Variants in GRM1 observed in about 807,000 individuals in gnomAD.
The protein encoded by GRM1 is glutamate metabotropic receptor 1, also known as metabotropic glutamate receptor 1.
A neutral mutation model predicts 90.9 loss-of-function variants in GRM1; 33 were observed. The ratio of observed to expected loss-of-function variants is 0.36; its 90% CI spans 0.28 to 0.49. The LOEUF is 0.49. Ranked by LOEUF, GRM1 falls within the 20% of genes least tolerant of loss-of-function variation. The probability of loss-of-function intolerance (pLI) is 0.99; values close to 1 mark genes in which losing one functional copy is unlikely to be tolerated. For synonymous variants in GRM1, 700 were observed against 613.2 expected, an observed-to-expected ratio of 1.14 and a Z score of -2.09; for missense variants, 1,190 against 1,534.3, an observed-to-expected ratio of 0.78 and a Z score of 3.75.
At chr6:146,190,670 T>C (rs1186998198) in intron 2 of GRM1, among the ~76,000 whole-genome samples, 2 of 152,118 alleles carry the variant, frequency 1.3e-5, no homozygotes, top group African/African-American at 2.4e-5. Context: ...TTGGTCACCA[T>C]GTTTTGTTGT....
intron 7 of GRM1, among the ~76,000 whole-genome samples, chr6:146,431,940 T>C (rs1429406608): frequency 6.6e-6 from 1 of 152,218 alleles, no homozygotes; most frequent in African/African-American, 2.4e-5. Context: ...ACCTACAGTT[T>C]TAAGCTCAGA....
At chr6:146,137,495 G>C (rs1254284500) in intron 1 of GRM1, among the ~76,000 whole-genome samples, 2 of 152,046 alleles carry the variant, frequency 1.3e-5, no homozygotes, top group African/African-American at 4.8e-5. Context: ...TTTGTTTCTG[G>C]ATTCTCTATT....
Position 146,402,850 on chromosome 6 carries a change from G to A in GRM1, c.2660+3151G>A, listed in dbSNP as rs141083222. ...AGCTGAATATCTGACACAACCAAAGGTTTGGACACTTGCTTTACATTTTCT... is the reference window on the plus strand; with the variant it reads ...AGCTGAATATCTGACACAACCAAAGATTTGGACACTTGCTTTACATTTTCT... On this transcript the variant is annotated intron_variant, in intron 7 of 7. Coordinates refer to ENST00000282753, the MANE Select transcript of GRM1 (RefSeq NM_001278064.2). Among the ~76,000 whole-genome samples, 1,072 of 152,224 alleles carry A rather than the reference G, an allele frequency of 7.0e-3. 12 individuals carry two copies. The highest frequency in any genetic ancestry group is 0.025 in the African/African-American group (1,026 of 41,548).
intron 2 of GRM1, among the ~76,000 whole-genome samples, chr6:146,301,454 C>T (rs17075876): frequency 6.6e-6 from 1 of 152,192 alleles, no homozygotes; most frequent in Non-Finnish European, 1.5e-5. Context: ...CCTTTACAAA[C>T]TAAGCTGTCA....
chr6:146,424,161 G>A lies in GRM1; in HGVS notation c.2661-9711G>A, dbSNP rs369232277. On this transcript the variant is annotated intron_variant, in intron 7 of 7. Transcript: ENST00000282753. ...CTCCCAAGGGTATTGCAATAACAGT[G>A]CAGAGACACCTAAGGTATCTGGATA... Among the ~76,000 whole-genome samples the A allele has an allele frequency of 1.2e-4, 18 of 152,306 alleles. No homozygotes were observed. The East Asian group carries it at 2.1e-3, about 18-fold the overall frequency.
intron 1 of GRM1, among the ~76,000 whole-genome samples, chr6:146,117,241 G>T (rs879342288): frequency 8.0e-5 from 12 of 149,146 alleles, no homozygotes; most frequent in Middle Eastern, 3.5e-3. Flanking sequence ...TATATTTATT[G>T]TATTCTCTGC....
intron 1 of GRM1, among the ~76,000 whole-genome samples, chr6:146,120,203 A>G (rs1354455736): frequency 2.6e-5 from 4 of 152,130 alleles, no homozygotes; most frequent in African/African-American, 9.7e-5. Context: ...CTTTGAAGCA[A>G]TTGTGAATGG....
intron 2 of GRM1, among the ~76,000 whole-genome samples, chr6:146,289,381 A>G (rs1473459419): frequency 6.6e-6 from 1 of 152,232 alleles, no homozygotes. Context: ...CGTCTATGGA[A>G]TAAAGATATA....
intron 2 of GRM1, among the ~76,000 whole-genome samples, chr6:146,191,910 G>T (rs117718003): frequency 0.01 from 1,557 of 152,170 alleles, 11 homozygotes; most frequent in Non-Finnish European, 0.015. Context: ...TGTTTAAAAG[G>T]GAACACACAG....
chr6:146,307,441 T>C (rs536930802), intron 3 of GRM1, among the ~76,000 whole-genome samples: 13 of 152,326 alleles, frequency 8.5e-5, no homozygotes, highest in Middle Eastern at 3.4e-3. Flanking sequence ...TAGCAGTGTT[T>C]ATCTATATTA....
chr6:146,304,498 G>T (rs554574144), intron 2 of GRM1, 113 bp from the exon 3 acceptor site: 21 of 809,322 alleles, frequency 2.6e-5, no homozygotes, highest in Non-Finnish European at 4.5e-5. Flanking sequence ...AGTAATGCTG[G>T]CTTAAAATAG....
chr6:146,175,800 A>C (rs1778319430), intron 2 of GRM1, among the ~76,000 whole-genome samples: 1 of 152,104 alleles, frequency 6.6e-6, no homozygotes, highest in Non-Finnish European at 1.5e-5. Context: ...AGAAAGGCCC[A>C]CCATCTTCCC....
intron 2 of GRM1, among the ~76,000 whole-genome samples, chr6:146,213,607 A>C (rs1320017528): frequency 6.6e-6 from 1 of 152,096 alleles, no homozygotes; most frequent in African/African-American, 2.4e-5. Flanking sequence ...TTCCATATGC[A>C]TTAGTCACTT....
At chr6:146,405,541 C>T (rs1235344396) in intron 7 of GRM1, among the ~76,000 whole-genome samples, 1 of 152,162 alleles carries the variant, frequency 6.6e-6, no homozygotes, top group African/African-American at 2.4e-5. Context: ...GGCTGAAAAT[C>T]AAGATCAGGA....
intron 3 of GRM1, among the ~76,000 whole-genome samples, chr6:146,339,233 C>T (rs1562620880): frequency 6.6e-6 from 1 of 152,098 alleles, no homozygotes; most frequent in Non-Finnish European, 1.5e-5. Flanking sequence ...CATTTTCATC[C>T]CATCAAATAA....
At chr6:146,143,845 A>G (rs1292507325) in intron 1 of GRM1, among the ~76,000 whole-genome samples, 7 of 152,234 alleles carry the variant, frequency 4.6e-5, no homozygotes, top group South Asian at 2.1e-4. Flanking sequence ...TGCTTATGCT[A>G]TAAGAAACCT....
intron 3 of GRM1, among the ~76,000 whole-genome samples, chr6:146,336,537 A>C (rs1489581588): frequency 2.6e-5 from 4 of 152,186 alleles, no homozygotes; most frequent in Admixed American, 6.5e-5. Flanking sequence ...TGTTCGCCTG[A>C]GAGCAATTCC....
At chr6:146,354,128 T>G (rs1322279803) in intron 4 of GRM1, among the ~76,000 whole-genome samples, 1 of 152,194 alleles carries the variant, frequency 6.6e-6, no homozygotes, top group Non-Finnish European at 1.5e-5. Context: ...GCAATTAAAA[T>G]GATCAATTTA....
chr6:146,243,209 G>A (rs1318166904), intron 2 of GRM1, among the ~76,000 whole-genome samples: 2 of 152,128 alleles, frequency 1.3e-5, no homozygotes, highest in African/African-American at 2.4e-5. Flanking sequence ...GAAATAAAAT[G>A]TATTCACAAT....
Sources: gnomAD v4.1 joint callset for allele counts (sites outside exome capture counted in the v4.1 genomes callset) on GRCh38, gnomAD v4.1.1 for gene constraint, MANE v1.5 for transcripts, NCBI Gene and HGNC (gene_info 2026-07-23, HGNC 2026-07-21) for gene names.